PCCA: variants seen among roughly 807,000 people sequenced by gnomAD.
PCCA encodes propionyl-CoA carboxylase subunit alpha.
In PCCA, 74 loss-of-function variants were observed where a neutral mutation model predicts 101.3. The ratio of observed to expected loss-of-function variants is 0.73; its 90% CI spans 0.61 to 0.89. The LOEUF (loss-of-function observed/expected upper bound fraction) is 0.89. PCCA is among the 40% of genes least tolerant of loss of function. The pLI is 0.00. For missense variants in PCCA, 891 were observed against 907.0 expected, an observed-to-expected ratio of 0.98 and a Z score of 0.23; for synonymous variants, 294 against 313.6, an observed-to-expected ratio of 0.94 and a Z score of 0.66.
At chr13:100,099,741 T>C (rs1327326888) in intron 1 of PCCA, among the ~76,000 whole-genome samples, 1 of 152,130 alleles carries the variant, frequency 6.6e-6, no homozygotes, top group Non-Finnish European at 1.5e-5. Context: ...CCCCCGCTTT[T>C]TGTGTAAGTT....
chr13:100,103,878 C>T (rs1419724029), intron 2 of PCCA, among the ~76,000 whole-genome samples: 2 of 152,108 alleles, frequency 1.3e-5, no homozygotes, highest in South Asian at 2.1e-4. Flanking sequence ...TCAGGTCATC[C>T]GCCTGCCTCG....
chr13:100,366,371 T>G (rs2075159839), intron 18 of PCCA, among the ~76,000 whole-genome samples: 1 of 152,192 alleles, frequency 6.6e-6, no homozygotes, highest in African/African-American at 2.4e-5. Context: ...CTACACGTGC[T>G]TGGTGCATAG....
chr13:100,366,634 C>T (rs1019656633), intron 18 of PCCA, among the ~76,000 whole-genome samples: 1 of 152,046 alleles, frequency 6.6e-6, no homozygotes, highest in African/African-American at 2.4e-5. Flanking sequence ...CCCTCTCCTC[C>T]TCCCCTCCCC....
chr13:100,380,225 G>C (rs180717412), intron 19 of PCCA, among the ~76,000 whole-genome samples: 2 of 152,196 alleles, frequency 1.3e-5, no homozygotes, highest in African/African-American at 2.4e-5. Context: ...AGCTGATGGT[G>C]GTAGCATGTG....
intron 8 of PCCA, 56 bp from the exon 9 acceptor site, chr13:100,257,539 T>C (rs2062155274): frequency 8.5e-7 from 1 of 1,181,630 alleles, no homozygotes; most frequent in African/African-American, 1.5e-5. Flanking sequence ...ATTGTCATGT[T>C]CATACATCCC....
At chr13:100,452,935 G>T (rs1245933960) in intron 21 of PCCA, among the ~76,000 whole-genome samples, 1 of 152,164 alleles carries the variant, frequency 6.6e-6, no homozygotes, top group Non-Finnish European at 1.5e-5. Flanking sequence ...CTGGCTCGGT[G>T]GCTCGTGCCT....
intron 7 of PCCA, among the ~76,000 whole-genome samples, chr13:100,234,621 T>A (rs912059285): frequency 6.8e-6 from 1 of 146,976 alleles, no homozygotes. Flanking sequence ...ATTCAGGGGA[T>A]GTTATTAGGT....
At chr13:100,451,144 C>T (rs1040957765) in intron 21 of PCCA, among the ~76,000 whole-genome samples, 1 of 152,148 alleles carries the variant, frequency 6.6e-6, no homozygotes, top group Non-Finnish European at 1.5e-5. Context: ...AGGCCTTTAA[C>T]GGGTTGGATG....
At chr13:100,403,614 A>G (rs2077497837) in intron 19 of PCCA, among the ~76,000 whole-genome samples, 1 of 152,106 alleles carries the variant, frequency 6.6e-6, no homozygotes, top group African/African-American at 2.4e-5. Flanking sequence ...TTGTTGCAGG[A>G]CTTTTTCTTG....
At chr13:100,505,348 A>T (rs919815550) in intron 21 of PCCA, among the ~76,000 whole-genome samples, 2 of 152,186 alleles carry the variant, frequency 1.3e-5, no homozygotes, top group Non-Finnish European at 2.9e-5. Context: ...CTAATTCACT[A>T]TGCTTTTAAC....
intron 2 of PCCA, among the ~76,000 whole-genome samples, chr13:100,106,426 T>G (rs946023152): frequency 2.6e-5 from 4 of 152,146 alleles, no homozygotes; most frequent in African/African-American, 9.7e-5. Flanking sequence ...TTTATTTATT[T>G]TTGAGACAGA....
intron 7 of PCCA, among the ~76,000 whole-genome samples, chr13:100,234,915 C>CACACACACACA (rs58784369): frequency 2.0e-5 from 3 of 150,336 alleles, no homozygotes; most frequent in African/African-American, 4.9e-5. Context: ...ACACACACAC[C>CACACACACACA]CCACACATAC....
chr13:100,121,530 A>G (rs1411237653), intron 4 of PCCA, among the ~76,000 whole-genome samples: 2 of 147,802 alleles, frequency 1.4e-5, no homozygotes, highest in African/African-American at 2.5e-5. Context: ...GCTGGAGTGC[A>G]ATGGTGCGAT....
chr13:100,409,109 AGCT>A (rs1394511451), intron 19 of PCCA, among the ~76,000 whole-genome samples: 1 of 152,030 alleles, frequency 6.6e-6, no homozygotes, highest in Non-Finnish European at 1.5e-5. Flanking sequence ...GGAGGTAGGG[AGCT>A]GCTGCTCTCT....
chr13:100,369,164 G>C (rs1448201302), intron 19 of PCCA, among the ~76,000 whole-genome samples: 1 of 152,168 alleles, frequency 6.6e-6, no homozygotes, highest in African/African-American at 2.4e-5. Flanking sequence ...GAGTGTGCCA[G>C]AAAAATACCA....
chr13:100,366,672 T>C (rs1213022210), intron 18 of PCCA, among the ~76,000 whole-genome samples: 1 of 152,106 alleles, frequency 6.6e-6, no homozygotes, highest in Non-Finnish European at 1.5e-5. Context: ...TCAACTCCCC[T>C]GCACCCCCAT....
At chr13:100,384,350 G>A (rs758561453) in intron 19 of PCCA, among the ~76,000 whole-genome samples, 2 of 152,072 alleles carry the variant, frequency 1.3e-5, no homozygotes, top group Non-Finnish European at 2.9e-5. Flanking sequence ...AAGTAAATCT[G>A]TTTAAATGTT....
intron 18 of PCCA, among the ~76,000 whole-genome samples, chr13:100,345,119 A>G (rs1327437469): frequency 6.6e-6 from 1 of 152,228 alleles, no homozygotes; most frequent in Non-Finnish European, 1.5e-5. Flanking sequence ...ATAACAAAGC[A>G]GTGGCCTCTA....
intron 6 of PCCA, among the ~76,000 whole-genome samples, chr13:100,158,114 C>T (rs892543782): frequency 6.6e-6 from 1 of 152,180 alleles, no homozygotes; most frequent in Non-Finnish European, 1.5e-5. Flanking sequence ...TAGCCTATTG[C>T]TCCTAGGCTA....
Sources: allele counts gnomAD v4.1 joint callset (sites outside exome capture counted in the v4.1 genomes callset), GRCh38; gene constraint gnomAD v4.1.1; transcripts MANE v1.5; gene names NCBI Gene and HGNC (gene_info 2026-07-23, HGNC 2026-07-21).